The following DLEC1 variants were observed in gnomAD, a reference collection of about 807,000 sequenced individuals.
DLEC1 encodes deleted in lung and esophageal cancer protein 1.
A neutral mutation model predicts 198.1 loss-of-function variants in DLEC1; 146 were observed. That is an observed-to-expected ratio of 0.74 (90% CI 0.64 to 0.85). DLEC1 has a LOEUF of 0.85. Among genes scored for constraint, DLEC1 ranks in the 40% least tolerant of loss-of-function variants. The probability of loss-of-function intolerance (pLI) is 0.00; values close to 1 mark genes in which losing one functional copy is unlikely to be tolerated. For synonymous variants in DLEC1, 897 were observed against 866.8 expected (o/e 1.03, Z -0.61); for missense variants, 2,233 against 2,220.0 (o/e 1.01, Z -0.12).
Position 38,097,220 on chromosome 3 carries a change from G to A in DLEC1, c.2379G>A (p.Trp793Ter). 6.3e-7 allele frequency: 1 copy of A among 1,587,386 alleles called. No homozygotes were observed. The highest frequency in any genetic ancestry group is 1.3e-5 in the African/African-American group (1 of 74,432). Reference sequence around the variant, plus strand: ...GCAAGTCACCCATCAGATACCTGTGGGGGAAGATCAGCGACTGCCACATCA... The same window carrying A: ...GCAAGTCACCCATCAGATACCTGTGAGGGAAGATCAGCGACTGCCACATCA... Reference protein sequence around the residue: ...NNSKSPIRYLWGKISDCHIIE... With the variant: ...NNSKSPIRYL The change falls in exon 16 of 37, where the codon TGG becomes TGA. Residue 793 changes from tryptophan to a stop codon, truncating the protein, a stop_gained. Transcript: ENST00000308059. LOFTEE classifies it high-confidence loss of function.
At chr3:38,119,587 C>G (rs75603191) in intron 33 of DLEC1, among the ~76,000 whole-genome samples, 2 of 151,698 alleles carry the variant, frequency 1.3e-5, no homozygotes, top group Admixed American at 6.6e-5. Context: ...TCACCTAGGC[C>G]GGAGTGCAGT....
At chr3:38,071,601 G>A (rs945738347) in intron 6 of DLEC1, among the ~76,000 whole-genome samples, 7 of 152,328 alleles carry the variant, frequency 4.6e-5, no homozygotes, top group Non-Finnish European at 5.9e-5. Context: ...CTGGCCCTGA[G>A]GGACAGAAGT....
chr3:38,042,366 T>C (rs895104731), intron 1 of DLEC1, among the ~76,000 whole-genome samples: 16 of 152,098 alleles, frequency 1.1e-4, no homozygotes, highest in African/African-American at 3.9e-4. Context: ...TATATATGCA[T>C]GGGAAAAAAG....
rs762378159 is a variant in DLEC1, at chr3:38,117,003, T to G, written c.4208T>G (p.Ile1403Ser). The change falls in exon 30 of 37, where the codon ATC becomes AGC. Residue 1403 changes from isoleucine (I) to serine (S), a missense_variant. Physicochemically the swap from Ile to Ser is moderately radical, Grantham distance 142 (BLOSUM62 -2). Transcript: ENST00000308059. The part of the protein sequence containing the change: ...VVVPAGGSST[I>S]YISFTPMVLS... ...GTCCCTGCTGGGGGCAGCAGTACCA[T>G]CTACATCTCCTTCACCCCTATGGTG... The G allele has an allele frequency of 4.3e-6, 7 of 1,613,886 alleles. No individual in the cohort carries two copies. The African/African-American group carries it at 9.3e-5, about 22-fold the overall frequency.
intron 19 of DLEC1, among the ~76,000 whole-genome samples, chr3:38,106,866 A>T (rs1444007039): frequency 6.6e-6 from 1 of 152,098 alleles, no homozygotes; most frequent in Non-Finnish European, 1.5e-5. Context: ...AACATTAATC[A>T]TACCTACAAA....
Position 38,120,582 on chromosome 3 carries a change from C to A in DLEC1, c.4839C>A (p.Leu1613=). 6.2e-7 allele frequency: 1 copy of A among 1,613,742 alleles called. No homozygotes were observed. Among genetic ancestry groups the A allele is most frequent in the Non-Finnish European group, 8.5e-7 (1 of 1,180,012 alleles). The change falls in exon 34 of 37, where the codon CTC becomes CTA. Residue 1613 remains leucine (L), a synonymous_variant. Transcript: ENST00000308059. ...EREMVFTQNL[L]LEYTNQTTQV... is the part of the protein sequence containing the mutation. ...AGATGGTGTTTACTCAGAACCTGCT[C>A]CTGGAGTACACCAACCAGACCACTC...
At chr3:38,050,001 C>A (rs1440470040) in intron 2 of DLEC1, among the ~76,000 whole-genome samples, 1 of 151,996 alleles carries the variant, frequency 6.6e-6, no homozygotes, top group Non-Finnish European at 1.5e-5. Context: ...GAAAGGAAGG[C>A]CATTTATTTC....
Position 38,039,519 on chromosome 3 carries a change from C to T in DLEC1, c.294C>T (p.Gly98=). ...RTQDISHLLT[G]VFRNLYSAEV... The stretch of plus-strand genomic sequence containing the variant: ...AAGATATCTCGCACTTGCTCACCGG[C>T]GTCTTCCGCAACTTGTACTCAGCCG... The change falls in exon 1 of 37, where the codon GGC becomes GGT. Residue 98 remains glycine (G), a synonymous_variant. Coordinates refer to ENST00000308059, the MANE Select transcript of DLEC1 (RefSeq NM_007335.4). 1.2e-6 allele frequency: 2 copies of T among 1,614,058 alleles called. No individual in the cohort carries two copies. Among genetic ancestry groups the T allele is most frequent in the Non-Finnish European group, 1.7e-6 (2 of 1,179,926 alleles).
Position 38,123,193 on chromosome 3 carries a change from AAGGACGTCATGGACAAGT to A in DLEC1, c.*786_*803del. Reference sequence around the variant, plus strand: ...TTACCTCCAGACCAGGCTGACCCAGAAGGACGTCATGGACAAGTAGGATGCAAAACCATCAGACCAGAT... The same window carrying A: ...TTACCTCCAGACCAGGCTGACCCAGAAGGATGCAAAACCATCAGACCAGAT... On this transcript the variant is annotated 3_prime_UTR_variant, in exon 37 of 37. Transcript: ENST00000308059. 1 of 1,465,292 alleles carries A rather than the reference AAGGACGTCATGGACAAGT, an allele frequency of 6.8e-7. No homozygotes were observed. Among genetic ancestry groups the A allele is most frequent in the Non-Finnish European group, 9.6e-7 (1 of 1,046,214 alleles). The allele number at this position is 1,465,292 out of a possible 1,614,324, so 90.8% of individuals were successfully genotyped here. A position where few individuals can be genotyped will look rare whatever the true frequency, so the allele number is the denominator to read the frequency against.
In DLEC1 at chr3:38,120,488, A is replaced by G. The variant is rs373011676; in HGVS notation, c.4745A>G (p.Tyr1582Cys). 4.3e-6 allele frequency: 7 copies of G among 1,614,088 alleles called. No individual in the cohort carries two copies. Among genetic ancestry groups the G allele is most frequent in the Non-Finnish European group, 5.9e-6 (7 of 1,180,030 alleles). The change falls in exon 34 of 37, where the codon TAT becomes TGT. Residue 1582 changes from tyrosine (Y) to cysteine (C), a missense_variant. Coordinates refer to ENST00000308059, the MANE Select transcript of DLEC1 (RefSeq NM_007335.4). Reference sequence around the variant, plus strand: ...TCACTCTCCCTGGAGCTGCTCTCCTATCAGAAGCTCCCAGCTGACCAGACA... The same window carrying G: ...TCACTCTCCCTGGAGCTGCTCTCCTGTCAGAAGCTCCCAGCTGACCAGACA... ...SFSLSLELLS[Y>C]QKLPADQTLP...
At position 38,097,076 on chromosome 3, in the gene DLEC1, T is replaced by A. The variant is rs563832459; in HGVS notation, c.2341-106T>A. The A allele has an allele frequency of 1.2e-4, 136 of 1,101,276 alleles. 2 individuals are homozygous for A. In the Admixed American group the frequency reaches 3.2e-3, roughly 26 times the overall value. The allele number at this position is 1,101,276 out of a possible 1,614,324, so 68.2% of individuals were successfully genotyped here. On this transcript the variant is annotated intron_variant, in intron 15 of 36. Coordinates refer to ENST00000308059, the MANE Select transcript of DLEC1 (RefSeq NM_007335.4). Reference sequence around the variant, plus strand: ...GGGTGGCCAGGAATTAGCCGGGAAGTGTCATATGGACTCTTTACGAGCCCA... The same window carrying A: ...GGGTGGCCAGGAATTAGCCGGGAAGAGTCATATGGACTCTTTACGAGCCCA...
intron 7 of DLEC1, 130 bp from the exon 8 acceptor site, chr3:38,085,144 C>G: frequency 1.0e-6 from 1 of 964,212 alleles, no homozygotes. Context: ...TTCCTGCCAT[C>G]AGCGTGGCTT....
intron 1 of DLEC1, 76 bp downstream of exon 1, chr3:38,039,712 T>C: frequency 1.3e-6 from 2 of 1,499,484 alleles, no homozygotes; most frequent in Non-Finnish European, 8.9e-7. Flanking sequence ...ACCTGCCAGG[T>C]GCCAGGCGCT....
intron 7 of DLEC1, among the ~76,000 whole-genome samples, chr3:38,084,536 G>GGTGGTAGTA (rs1698309786): frequency 3.1e-5 from 2 of 64,760 alleles, no homozygotes; most frequent in Admixed American, 1.5e-4. Context: ...TAGTAGTGGT[G>GGTGGTAGTA]GTGGTAGTAG....
chr3:38,065,852 G>A (rs1697000887), intron 6 of DLEC1, among the ~76,000 whole-genome samples: 1 of 152,112 alleles, frequency 6.6e-6, no homozygotes, highest in Non-Finnish European at 1.5e-5. Context: ...TTCTCCTTTA[G>A]TTGATAATAA....
In DLEC1 at chr3:38,085,327, A is replaced by G. The variant is rs1282917821; in HGVS notation, c.1315A>G (p.Ile439Val). ...GGCTCCTGGAATGACCTGCCAGTAC[A>G]TTGTCCAGTTTTTTCCCGACTGCCT... ...MVAPGMTCQY[I>V]VQFFPDCLGD... Residue 439 changes from isoleucine (I) to valine (V), a missense_variant, in exon 8 of 37, where the codon ATT (isoleucine) becomes GTT (valine). Physicochemically the swap from Ile to Val is conservative, Grantham distance 29. Transcript: ENST00000308059. 6.8e-6 allele frequency: 11 copies of G among 1,614,074 alleles called. No individual in the cohort carries two copies. The highest frequency in any genetic ancestry group is 9.3e-6 in the Non-Finnish European group (11 of 1,180,008).
At chr3:38,041,634 G>A (rs927072867) in intron 1 of DLEC1, among the ~76,000 whole-genome samples, 1 of 151,010 alleles carries the variant, frequency 6.6e-6, no homozygotes, top group Admixed American at 6.6e-5. Context: ...AGATCACGAG[G>A]TCAGAAGTTT....
At chr3:38,062,034 G>A in intron 3 of DLEC1, 135 bp from the exon 4 acceptor site, 1 of 816,688 alleles carries the variant, frequency 1.2e-6, no homozygotes, top group Non-Finnish European at 2.0e-6. Context: ...AGCAATTATA[G>A]CTGGTGTGGT....
At position 38,122,075 on chromosome 3, in the gene DLEC1, G is replaced by T; in HGVS notation, c.5025G>T (p.Gln1675His). 6.2e-7 allele frequency: 1 copy of T among 1,613,992 alleles called. No individual in the cohort carries two copies. The highest frequency in any genetic ancestry group is 8.5e-7 in the Non-Finnish European group (1 of 1,179,918). Residue 1675 changes from glutamine to histidine, a missense_variant, in exon 36 of 37, where the codon CAG becomes CAT. Coordinates refer to ENST00000308059, the MANE Select transcript of DLEC1 (RefSeq NM_007335.4). ...CRSYWTMLMG[Q>H]QEPAKAAVAF... ...CTTCCCTTCCCTTTGGTGCAGGCCAGCAGGAGCCAGCCAAGGCCGCTGTGG... is the reference window on the plus strand; with the variant it reads ...CTTCCCTTCCCTTTGGTGCAGGCCATCAGGAGCCAGCCAAGGCCGCTGTGG...
Sources: allele counts gnomAD v4.1 joint callset (sites outside exome capture counted in the v4.1 genomes callset), GRCh38; gene constraint gnomAD v4.1.1; transcripts MANE v1.5; gene names NCBI Gene and HGNC (gene_info 2026-07-23, HGNC 2026-07-21).